FAXDC2: variants seen among roughly 807,000 people sequenced by gnomAD.
FAXDC2 encodes the protein fatty acid hydroxylase domain-containing protein 2.
In FAXDC2, 41 loss-of-function variants were observed where a neutral mutation model predicts 40.9. The ratio of observed to expected loss-of-function variants is 1.00; its 90% confidence interval spans 0.78 to 1.30. FAXDC2 has a LOEUF of 1.30. Ranked by LOEUF, FAXDC2 falls within the 50% of genes most tolerant of loss-of-function variation. The pLI is 0.00. For missense variants in FAXDC2, 390 were observed against 408.8 expected (o/e 0.95, Z 0.40); for synonymous variants, 157 against 149.3 (o/e 1.05, Z -0.38).
At chr5:154,831,200 T>C (rs1233761739) in intron 4 of FAXDC2, 18 of 292,468 alleles carry the variant, frequency 6.2e-5, no homozygotes, top group Middle Eastern at 1.1e-3. Context: ...TGTTAAGATA[T>C]ATAATACCCT....
At chr5:154,826,660 A>T (rs1048346569) in intron 5 of FAXDC2, among the ~76,000 whole-genome samples, 3 of 152,152 alleles carry the variant, frequency 2.0e-5, no homozygotes, top group Non-Finnish European at 2.9e-5. Context: ...TGGTGCTCTA[A>T]TGAAACCATA....
intron 1 of FAXDC2, among the ~76,000 whole-genome samples, chr5:154,847,399 A>G (rs1193763989): frequency 6.6e-6 from 1 of 152,124 alleles, no homozygotes; most frequent in Admixed American, 6.6e-5. Flanking sequence ...GAATAAGGTG[A>G]GGCTGGAAGG....
In FAXDC2 at chr5:154,833,041, CT is replaced by C. The variant is rs201032016; in HGVS notation, c.244+1583del. Among the ~76,000 whole-genome samples, 671 of 144,844 alleles carry C rather than the reference CT, an allele frequency of 4.6e-3. 3 individuals carry two copies. Among genetic ancestry groups the C allele is most frequent in the African/African-American group, 9.8e-3 (392 of 39,858 alleles). ...AGGGAAACATTTCATTTAAATACTTCTTTTTTTTTTTTTGAGACAGGGTCTT... is the reference window on the plus strand; with the variant it reads ...AGGGAAACATTTCATTTAAATACTTCTTTTTTTTTTTTGAGACAGGGTCTT... On this transcript the variant is annotated intron_variant, in intron 4 of 8. Coordinates refer to ENST00000326080, the MANE Select transcript of FAXDC2 (RefSeq NM_032385.5).
At position 154,825,474 on chromosome 5, in the gene FAXDC2, C is replaced by T. The variant is rs147297469; in HGVS notation, c.367-1882G>A. Among the ~76,000 whole-genome samples, 306 of 151,014 alleles carry T rather than the reference C, an allele frequency of 2.0e-3. 1 individual carries two copies. Among genetic ancestry groups the T allele is most frequent in the East Asian group, 0.013 (67 of 5,154 alleles). ...GAGTTTGAGACCAGCCTGACCAATA[C>T]GGTGAAACCCTGTCTCTACTAAAAA... On this transcript the variant is annotated intron_variant, in intron 5 of 8. Transcript: ENST00000326080.
chr5:154,828,190 T>C (rs945385409), intron 5 of FAXDC2, among the ~76,000 whole-genome samples: 1 of 151,686 alleles, frequency 6.6e-6, no homozygotes, highest in Non-Finnish European at 1.5e-5. Context: ...AGGATCTCAC[T>C]CTGTCACCCA....
intron 1 of FAXDC2, among the ~76,000 whole-genome samples, chr5:154,850,113 C>G (rs1760694183): frequency 6.6e-6 from 1 of 152,204 alleles, no homozygotes; most frequent in African/African-American, 2.4e-5. Flanking sequence ...TGTTCTGCCT[C>G]TCATTTGAGT....
rs1759883565 is a variant in FAXDC2 at position 154,821,332 on chromosome 5, G to A, written c.773C>T (p.Thr258Ile). 15 of 1,610,532 alleles carry A rather than the reference G, an allele frequency of 9.3e-6. No individual in the cohort carries two copies. The highest frequency in any genetic ancestry group is 1.3e-5 in the Non-Finnish European group (15 of 1,178,768). ...GTGGTAGCCACAGTGGGAGATGGTG[G>A]TGATGATGAGGGCCAAGGAAAACCA... Reference protein sequence around the residue: ...TMWFSLALIITTISHCGYHLP... With the variant: ...TMWFSLALIIITISHCGYHLP... Residue 258 changes from threonine (T) to isoleucine (I), a missense_variant, in exon 8 of 9, where the codon ACC becomes ATC. Transcript: ENST00000326080.
intron 1 of FAXDC2, among the ~76,000 whole-genome samples, chr5:154,844,077 G>C (rs1330665315): frequency 1.3e-5 from 2 of 152,132 alleles, no homozygotes; most frequent in Non-Finnish European, 2.9e-5. Flanking sequence ...AAATTAGCTG[G>C]GCATGGTGGC....
intron 4 of FAXDC2, among the ~76,000 whole-genome samples, chr5:154,833,870 A>G (rs554717352): frequency 4.0e-5 from 6 of 150,772 alleles, no homozygotes; most frequent in African/African-American, 9.8e-5. Flanking sequence ...AGGCTTCACT[A>G]TGTTGGCCAG....
chr5:154,825,256 C>T lies in FAXDC2; in HGVS notation c.367-1664G>A, dbSNP rs543332683. Among the ~76,000 whole-genome samples the T allele has an allele frequency of 5.9e-5, 9 of 151,698 alleles. No homozygotes were observed. In the East Asian group the frequency reaches 1.4e-3, roughly 23 times the overall value. On this transcript the variant is annotated intron_variant, in intron 5 of 8. Coordinates refer to ENST00000326080, the MANE Select transcript of FAXDC2 (RefSeq NM_032385.5). ...GCATGCACTTGTAGTCCCAGCTACT[C>T]GGGAGGCTGAGGCAGGAGAATCACT...
chr5:154,839,649 AAAAG>A (rs930085635), intron 1 of FAXDC2, among the ~76,000 whole-genome samples: 6 of 152,154 alleles, frequency 3.9e-5, no homozygotes, highest in Admixed American at 6.6e-5. Context: ...TTGTCTCAAA[AAAAG>A]AAAGAAAAAA....
chr5:154,848,913 G>A (rs995944330), intron 1 of FAXDC2, among the ~76,000 whole-genome samples: 1 of 152,044 alleles, frequency 6.6e-6, no homozygotes, highest in African/African-American at 2.4e-5. Context: ...GTTGCAGTGA[G>A]CCAAGATCAT....
chr5:154,825,689 A>C (rs1024637826), intron 5 of FAXDC2, among the ~76,000 whole-genome samples: 1 of 147,156 alleles, frequency 6.8e-6, no homozygotes, highest in Non-Finnish European at 1.5e-5. Flanking sequence ...AGACAAGAGA[A>C]GATGGTGAAT....
chr5:154,836,966 C>CACTACACTACACT, intron 2 of FAXDC2, among the ~76,000 whole-genome samples: 1 of 152,184 alleles, frequency 6.6e-6, no homozygotes, highest in East Asian at 1.9e-4. Flanking sequence ...TGTGCCACTA[C>CACTACACTACACT]ACCTGGCCAG....
chr5:154,846,796 C>T (rs1433656079), intron 1 of FAXDC2, among the ~76,000 whole-genome samples: 1 of 151,996 alleles, frequency 6.6e-6, no homozygotes, highest in Non-Finnish European at 1.5e-5. Context: ...GACAGAGTTT[C>T]ACTCTGTCCA....
intron 4 of FAXDC2, among the ~76,000 whole-genome samples, chr5:154,833,477 T>C (rs1476874242): frequency 6.8e-6 from 1 of 148,144 alleles, no homozygotes; most frequent in East Asian, 2.0e-4. Flanking sequence ...TCCTGAGTAG[T>C]TGAGATTACA....
chr5:154,848,309 C>T (rs547663989), intron 1 of FAXDC2, among the ~76,000 whole-genome samples: 2 of 152,254 alleles, frequency 1.3e-5, no homozygotes, highest in Admixed American at 6.5e-5. Flanking sequence ...AGGAGGAAGC[C>T]CTAGTTAGTA....
chr5:154,823,029 T>G (rs577018540), intron 6 of FAXDC2, among the ~76,000 whole-genome samples: 2 of 152,276 alleles, frequency 1.3e-5, no homozygotes, highest in East Asian at 3.9e-4. Flanking sequence ...TTTTTTTCTT[T>G]GAGACAAGGT....
intron 5 of FAXDC2, among the ~76,000 whole-genome samples, chr5:154,825,080 AAG>A (rs1491276711): frequency 6.6e-6 from 1 of 150,710 alleles, no homozygotes; most frequent in African/African-American, 2.4e-5. Flanking sequence ...AAAAAAAAAA[AAG>A]GGCCAGTCGC....
Sources: gnomAD v4.1 joint callset for allele counts (sites outside exome capture counted in the v4.1 genomes callset) on GRCh38, gnomAD v4.1.1 for gene constraint, MANE v1.5 for transcripts, NCBI Gene and HGNC (gene_info 2026-07-23, HGNC 2026-07-21) for gene names.